GLI2: variants seen among roughly 807,000 people sequenced by gnomAD.
GLI2 encodes the protein GLI family zinc finger 2, also known as transcription activator GLI2.
A neutral mutation model predicts 78.9 loss-of-function variants in GLI2; 22 were observed. The ratio of observed to expected loss-of-function variants is 0.28; its 90% CI spans 0.20 to 0.40. GLI2 has a LOEUF of 0.40. Among genes scored for constraint, GLI2 ranks in the 10% least tolerant of loss-of-function variants. The pLI, the probability that GLI2 is intolerant of heterozygous loss-of-function variation, is 1.00. For missense variants in GLI2, 2,097 were observed against 2,213.2 expected (o/e 0.95, Z 1.05); for synonymous variants, 974 against 963.7 (o/e 1.01, Z -0.20).
intron 10 of GLI2, among the ~76,000 whole-genome samples, chr2:120,982,315 G>A (rs1021242209): frequency 1.3e-5 from 2 of 152,216 alleles, no homozygotes; most frequent in African/African-American, 2.4e-5. Context: ...AATTCTAACC[G>A]AGAGTGGTAC....
At chr2:120,739,306 A>T (rs1298290139) in intron 1 of GLI2, among the ~76,000 whole-genome samples, 1 of 152,104 alleles carries the variant, frequency 6.6e-6, no homozygotes, top group East Asian at 1.9e-4. Flanking sequence ...CCACGGGAAA[A>T]CTTCACTCCA....
intron 1 of GLI2, among the ~76,000 whole-genome samples, chr2:120,769,503 C>T (rs1027581050): frequency 3.3e-5 from 5 of 152,182 alleles, no homozygotes; most frequent in Non-Finnish European, 5.9e-5. Flanking sequence ...CCTGGCCCAG[C>T]GCTCCCAGCT....
At chr2:120,899,875 A>ATG (rs1678169164) in intron 2 of GLI2, among the ~76,000 whole-genome samples, 1 of 152,188 alleles carries the variant, frequency 6.6e-6, no homozygotes. Context: ...TGACCCTGTT[A>ATG]TGTGGACAGG....
At chr2:120,950,895 G>A (rs865996391) in intron 3 of GLI2, among the ~76,000 whole-genome samples, 2 of 152,188 alleles carry the variant, frequency 1.3e-5, no homozygotes, top group Admixed American at 6.5e-5. Context: ...GCCTAGCCCC[G>A]AGGAGGCACT....
intron 1 of GLI2, among the ~76,000 whole-genome samples, chr2:120,776,371 A>T (rs1305830567): frequency 2.6e-5 from 4 of 151,994 alleles, no homozygotes; most frequent in African/African-American, 9.7e-5. Flanking sequence ...GGGCTCTGGG[A>T]TGCTTGGTTG....
chr2:120,761,205 A>G (rs559831113), intron 1 of GLI2, among the ~76,000 whole-genome samples: 2 of 152,336 alleles, frequency 1.3e-5, no homozygotes, highest in East Asian at 3.9e-4. Flanking sequence ...TCAGGCTAGA[A>G]TCTGGGCTAC....
intron 2 of GLI2, among the ~76,000 whole-genome samples, chr2:120,905,727 TCCAGGAAGG>T (rs1432153398): frequency 6.6e-6 from 1 of 152,198 alleles, no homozygotes; most frequent in Admixed American, 6.5e-5. Flanking sequence ...ACGAACGTTC[TCCAGGAAGG>T]CCTGGGCTTC....
intron 2 of GLI2, among the ~76,000 whole-genome samples, chr2:120,924,358 G>C (rs928692128): frequency 6.6e-6 from 1 of 152,194 alleles, no homozygotes; most frequent in Non-Finnish European, 1.5e-5. Context: ...TGTCATTTAG[G>C]CTGGGTGGAG....
At chr2:120,789,150 G>C (rs774034775) in intron 1 of GLI2, among the ~76,000 whole-genome samples, 8 of 149,704 alleles carry the variant, frequency 5.3e-5, no homozygotes, top group Non-Finnish European at 7.4e-5. Flanking sequence ...TCCTGCCTCA[G>C]CCTCCTCAGT....
chr2:120,773,287 G>A (rs559987875), intron 1 of GLI2, among the ~76,000 whole-genome samples: 6 of 152,280 alleles, frequency 3.9e-5, no homozygotes, highest in Non-Finnish European at 8.8e-5. Flanking sequence ...CCGGGCCCGG[G>A]TAGGATATCG....
chr2:120,838,373 T>A (rs1434320030), intron 2 of GLI2, among the ~76,000 whole-genome samples: 1 of 152,224 alleles, frequency 6.6e-6, no homozygotes, highest in Admixed American at 6.5e-5. Flanking sequence ...ATCTTGCTGA[T>A]CTTTTACTAG....
At chr2:120,935,462 C>T (rs567508566) in intron 3 of GLI2, among the ~76,000 whole-genome samples, 3 of 152,196 alleles carry the variant, frequency 2.0e-5, no homozygotes, top group Non-Finnish European at 2.9e-5. Flanking sequence ...CCCTGAGACC[C>T]CATCAGGCAG....
chr2:120,806,165 A>G (rs1684941277), intron 2 of GLI2, among the ~76,000 whole-genome samples: 1 of 152,140 alleles, frequency 6.6e-6, no homozygotes, highest in Non-Finnish European at 1.5e-5. Context: ...AGGGGGGGAA[A>G]GAGATAATTT....
At chr2:120,822,598 G>A (rs1171748762) in intron 2 of GLI2, among the ~76,000 whole-genome samples, 1 of 152,192 alleles carries the variant, frequency 6.6e-6, no homozygotes. Context: ...GATTGAAAAT[G>A]TGATGACTGT....
At chr2:120,798,210 C>T (rs1275423705) in intron 2 of GLI2, among the ~76,000 whole-genome samples, 1 of 152,260 alleles carries the variant, frequency 6.6e-6, no homozygotes, top group Non-Finnish European at 1.5e-5. Flanking sequence ...GGCTGAGGCA[C>T]AGCTCAGAGA....
chr2:120,883,480 T>G (rs776444729), intron 2 of GLI2, among the ~76,000 whole-genome samples: 1 of 152,136 alleles, frequency 6.6e-6, no homozygotes, highest in Non-Finnish European at 1.5e-5. Flanking sequence ...GAGCGAAACC[T>G]TGTCTCAAAA....
intron 2 of GLI2, among the ~76,000 whole-genome samples, chr2:120,816,649 T>TA (rs34210846): frequency 0.55 from 82,995 of 149,944 alleles, 23,038 homozygotes; most frequent in South Asian, 0.64. Flanking sequence ...TCTCCAAAAT[T>TA]AAAAAAAAAA....
At chr2:120,813,626 G>T (rs1269889797) in intron 2 of GLI2, among the ~76,000 whole-genome samples, 1 of 152,168 alleles carries the variant, frequency 6.6e-6, no homozygotes, top group Non-Finnish European at 1.5e-5. Flanking sequence ...TGTACATGCA[G>T]CTGCAGCTGG....
chr2:120,806,287 C>G (rs1684947192), intron 2 of GLI2, among the ~76,000 whole-genome samples: 1 of 152,154 alleles, frequency 6.6e-6, no homozygotes, highest in Non-Finnish European at 1.5e-5. Context: ...GCCTGGGTGC[C>G]TCTGGGTTCC....
Sources: gnomAD v4.1 joint callset for allele counts (sites outside exome capture counted in the v4.1 genomes callset) on GRCh38, gnomAD v4.1.1 for gene constraint, MANE v1.5 for transcripts, NCBI Gene and HGNC (gene_info 2026-07-23, HGNC 2026-07-21) for gene names.